The following CORO2B variants were observed in gnomAD, a reference collection of about 807,000 sequenced individuals.
The protein encoded by CORO2B is coronin-2B.
A neutral mutation model predicts 58.8 loss-of-function variants in CORO2B; 26 were observed. The ratio of observed to expected loss-of-function variants is 0.44; its 90% CI spans 0.32 to 0.61. CORO2B has a LOEUF of 0.61. CORO2B is among the 20% of genes least tolerant of loss of function. The pLI, the probability that CORO2B is intolerant of heterozygous loss-of-function variation, is 0.04. For synonymous variants in CORO2B, 242 were observed against 253.8 expected, an observed-to-expected ratio of 0.95 and a Z score of 0.44; for missense variants, 460 against 645.1, an observed-to-expected ratio of 0.71 and a Z score of 3.11.
chr15:68,600,410 C>T (rs1385601407), intron 1 of CORO2B, among the ~76,000 whole-genome samples: 1 of 152,122 alleles, frequency 6.6e-6, no homozygotes, highest in Non-Finnish European at 1.5e-5. Flanking sequence ...CCTGAGTACA[C>T]ACTATGCTCC....
chr15:68,717,960 A>G (rs1191058774), intron 8 of CORO2B, among the ~76,000 whole-genome samples: 1 of 152,210 alleles, frequency 6.6e-6, no homozygotes, highest in Non-Finnish European at 1.5e-5. Flanking sequence ...CGAACCAGCC[A>G]AGGAACTGGA....
intron 1 of CORO2B, chr15:68,631,924 A>T (rs1900843257): frequency 1.0e-6 from 1 of 984,202 alleles, no homozygotes; most frequent in Non-Finnish European, 1.2e-6. Flanking sequence ...CCAGATGGCC[A>T]CCAGGGAGGG....
intron 1 of CORO2B, among the ~76,000 whole-genome samples, chr15:68,599,209 C>T (rs1253846744): frequency 6.6e-6 from 1 of 152,206 alleles, no homozygotes; most frequent in Non-Finnish European, 1.5e-5. Flanking sequence ...CGACCTCCTC[C>T]ACAGAGCCTT....
Position 68,645,477 on chromosome 15 carries a change from A to C in CORO2B, c.216+117A>C. Reference sequence around the variant, plus strand: ...CTGAGTTCCCACCTTTTACTTCCTCATCAAGCATCTAGTGGCTATGCCTTC... The same window carrying C: ...CTGAGTTCCCACCTTTTACTTCCTCCTCAAGCATCTAGTGGCTATGCCTTC... On this transcript the variant is annotated intron_variant, in intron 2 of 11. Transcript: ENST00000261861. The surrounding 1 kb of genome is among the most constrained non-coding windows in gnomAD (Gnocchi z 4.5). The C allele has an allele frequency of 2.2e-6, 2 of 924,462 alleles. No homozygotes were observed. The highest frequency in any genetic ancestry group is 3.2e-6 in the Non-Finnish European group (2 of 622,914). The allele number at this position is 924,462 out of a possible 1,614,324, so 57.3% of individuals were successfully genotyped here. A position where few individuals can be genotyped will look rare whatever the true frequency, so the allele number is the denominator to read the frequency against.
At chr15:68,677,224 T>C (rs1335220783) in intron 2 of CORO2B, among the ~76,000 whole-genome samples, 3 of 152,214 alleles carry the variant, frequency 2.0e-5, no homozygotes, top group African/African-American at 7.2e-5. Flanking sequence ...AAGCTCCCAA[T>C]TGAACCCCAA....
chr15:68,684,929 T>C (rs1382470646), intron 2 of CORO2B, among the ~76,000 whole-genome samples: 1 of 152,098 alleles, frequency 6.6e-6, no homozygotes, highest in Non-Finnish European at 1.5e-5. Flanking sequence ...CTTCCAGTCA[T>C]AGAAGAGAGA....
intron 1 of CORO2B, among the ~76,000 whole-genome samples, chr15:68,641,046 C>T (rs1269741707): frequency 6.6e-6 from 1 of 152,174 alleles, no homozygotes; most frequent in African/African-American, 2.4e-5. Context: ...CCTGACCTCC[C>T]TTCCCCTGGC....
chr15:68,719,346 G>T, intron 10 of CORO2B, 67 bp from the exon 11 acceptor site: 1 of 1,606,086 alleles, frequency 6.2e-7, no homozygotes, highest in African/African-American at 1.3e-5. Context: ...CTCCCACCCA[G>T]CCTGCTGGAC....
the CORO2B span, among the ~76,000 whole-genome samples, chr15:68,572,338 C>T: frequency 4.6e-5 from 7 of 152,220 alleles, no homozygotes; most frequent in Admixed American, 3.9e-4. Context: ...AGCTGTTTCA[C>T]GTTACCTGCC....
At chr15:68,712,832 G>A (rs1892951789) in intron 5 of CORO2B, among the ~76,000 whole-genome samples, 1 of 152,044 alleles carries the variant, frequency 6.6e-6, no homozygotes, top group Non-Finnish European at 1.5e-5. Context: ...AGTTCCAGGA[G>A]GAGCTAGGAT....
intron 3 of CORO2B, among the ~76,000 whole-genome samples, chr15:68,705,436 C>CAAAA (rs35973911): frequency 3.5e-5 from 4 of 112,808 alleles, no homozygotes; most frequent in Non-Finnish European, 5.3e-5. Context: ...AACTCTATCT[C>CAAAA]AAAAAAAAAA....
chr15:68,576,167 A>AAAG (rs1409477392), upstream of CORO2B, among the ~76,000 whole-genome samples: 6 of 148,730 alleles, frequency 4.0e-5, no homozygotes, highest in African/African-American at 1.5e-4. Context: ...AAAAAAAAAA[A>AAAG]AAAAAAAAAG....
At chr15:68,611,902 G>GC (rs1900257347) in intron 1 of CORO2B, among the ~76,000 whole-genome samples, 1 of 151,826 alleles carries the variant, frequency 6.6e-6, no homozygotes, top group African/African-American at 2.4e-5. Context: ...CTCCCAAGTA[G>GC]CTGGGACTAG....
chr15:68,644,935 T>C (rs1042139850), intron 1 of CORO2B, among the ~76,000 whole-genome samples: 1 of 152,190 alleles, frequency 6.6e-6, no homozygotes, highest in Non-Finnish European at 1.5e-5. Flanking sequence ...ATCTTTGTTT[T>C]TGTAAGACTT....
chr15:68,565,086 T>C, the CORO2B span, among the ~76,000 whole-genome samples: 2 of 152,210 alleles, frequency 1.3e-5, no homozygotes, highest in African/African-American at 4.8e-5. Context: ...TTAAAAAGTG[T>C]TCTTTAATTA....
chr15:68,714,123 C>A, intron 6 of CORO2B, 82 bp downstream of exon 6: 1 of 870,710 alleles, frequency 1.1e-6, no homozygotes. Context: ...AAGTCAGGAG[C>A]CTGGGCCCGC....
intron 8 of CORO2B, 146 bp from the exon 9 acceptor site, chr15:68,718,552 G>A (rs906955942): frequency 1.1e-5 from 7 of 665,390 alleles, no homozygotes; most frequent in East Asian, 8.2e-5. Flanking sequence ...AAGGCGCCCC[G>A]GTCTACCCCC....
intron 1 of CORO2B, among the ~76,000 whole-genome samples, chr15:68,582,120 C>G (rs1405023780): frequency 6.6e-6 from 1 of 152,162 alleles, no homozygotes; most frequent in African/African-American, 2.4e-5. Context: ...TCCCCTTGCC[C>G]CCTTAACCAT....
the CORO2B span, among the ~76,000 whole-genome samples, chr15:68,560,957 C>T: frequency 6.6e-6 from 1 of 152,184 alleles, no homozygotes; most frequent in Admixed American, 6.5e-5. Context: ...GGGTAATTTT[C>T]CCTAGCGCCT....
Sources: gnomAD v4.1 joint callset for allele counts (sites outside exome capture counted in the v4.1 genomes callset) on GRCh38, gnomAD v4.1.1 for gene constraint, Gnocchi (gnomAD v3.1) non-coding constraint, MANE v1.5 for transcripts, NCBI Gene and HGNC (gene_info 2026-07-23, HGNC 2026-07-21) for gene names.